Variants in CNTN6 observed in about 807,000 individuals in gnomAD.
The protein encoded by CNTN6 is contactin 6.
In CNTN6, 137 loss-of-function variants were observed where a neutral mutation model predicts 122.8. The observed-to-expected ratio is 1.12, with a 90% CI of 0.97 to 1.29. The LOEUF (loss-of-function observed/expected upper bound fraction) is 1.29, where lower values mean the gene tolerates loss of function less well. CNTN6 is among the 50% of genes most tolerant of loss of function. CNTN6 has a pLI of 0.00. For synonymous variants in CNTN6, 570 were observed against 426.0 expected, an observed-to-expected ratio of 1.34 and a Z score of -4.16; for missense variants, 1,634 against 1,223.4, an observed-to-expected ratio of 1.34 and a Z score of -5.01.
chr3:1,379,785 A>G (rs1292663934), intron 17 of CNTN6, among the ~76,000 whole-genome samples: 8 of 152,140 alleles, frequency 5.3e-5, no homozygotes, highest in Admixed American at 5.2e-4. Context: ...CATATTTGAC[A>G]TTATGTACAA....
chr3:1,131,120 A>C (rs934792721), intron 1 of CNTN6, among the ~76,000 whole-genome samples: 8 of 152,222 alleles, frequency 5.3e-5, no homozygotes, highest in Non-Finnish European at 7.4e-5. Context: ...CTATGTGATA[A>C]AAGTTCCTGA....
intron 4 of CNTN6, among the ~76,000 whole-genome samples, chr3:1,251,831 C>A (rs3772338): frequency 6.6e-6 from 1 of 152,004 alleles, no homozygotes; most frequent in African/African-American, 2.4e-5. Context: ...ATTTTCCTGA[C>A]CCTTTAATAT....
At chr3:1,353,382 C>T (rs1705982395) in intron 12 of CNTN6, among the ~76,000 whole-genome samples, 1 of 151,590 alleles carries the variant, frequency 6.6e-6, no homozygotes, top group Admixed American at 6.6e-5. Context: ...AAATAAACAC[C>T]CACCTTTGAG....
intron 11 of CNTN6, among the ~76,000 whole-genome samples, chr3:1,347,109 TCTA>T (rs1420769806): frequency 6.6e-6 from 1 of 152,212 alleles, no homozygotes; most frequent in African/African-American, 2.4e-5. Flanking sequence ...CACTATAAAA[TCTA>T]CCCAGTGTCA....
intron 12 of CNTN6, among the ~76,000 whole-genome samples, chr3:1,363,142 G>A (rs1559925396): frequency 6.6e-6 from 1 of 151,806 alleles, no homozygotes; most frequent in South Asian, 2.1e-4. Flanking sequence ...CACCTTAAAT[G>A]TTTGACCTAC....
chr3:1,374,728 A>G (rs1406323293), intron 16 of CNTN6, among the ~76,000 whole-genome samples: 1 of 152,060 alleles, frequency 6.6e-6, no homozygotes, highest in East Asian at 1.9e-4. Flanking sequence ...CAAAGTTCAC[A>G]TTCTTATTCG....
intron 9 of CNTN6, 75 bp from the exon 10 acceptor site, chr3:1,327,382 G>A (rs773814744): frequency 1.5e-4 from 209 of 1,426,414 alleles, no homozygotes; most frequent in Non-Finnish European, 1.9e-4. Flanking sequence ...CACAAATGTT[G>A]TTTAATAACA....
chr3:1,245,319 T>TATAATATATATATATATATA (rs2094566652), intron 4 of CNTN6, among the ~76,000 whole-genome samples: 1 of 27,692 alleles, frequency 3.6e-5, no homozygotes, highest in African/African-American at 1.3e-4. Flanking sequence ...TATATATATA[T>TATAATATATATATATATATA]ATATATATAT....
rs762968679 is a variant in CNTN6 at position 1,327,556 on chromosome 3, A to G, written c.1183A>G (p.Ile395Val). 1.9e-6 allele frequency: 3 copies of G among 1,610,438 alleles called. No individual in the cohort carries two copies. Among genetic ancestry groups the G allele is most frequent in the Non-Finnish European group, 2.5e-6 (3 of 1,177,952 alleles). ...TGCTGCAGAAAACAAATATCAGATA[A>G]TTTATGCAAATGCTGAATTGAGAGT... is the stretch of plus-strand genomic sequence containing the variant. ...QCAAENKYQIIYANAELRVLA... is the reference protein window; with the variant it reads ...QCAAENKYQIVYANAELRVLA... Residue 395 changes from isoleucine (I) to valine (V), a missense_variant, in exon 10 of 23, where the codon ATT (isoleucine) becomes GTT (valine). By Grantham distance (29) the Ile-to-Val change is conservative (BLOSUM62 3). Transcript: ENST00000446702.
intron 1 of CNTN6, among the ~76,000 whole-genome samples, chr3:1,119,469 G>A (rs757280678): frequency 6.6e-6 from 1 of 151,628 alleles, no homozygotes; most frequent in African/African-American, 2.4e-5. Flanking sequence ...CTGAGAACTG[G>A]TTAAACTGAG....
intron 7 of CNTN6, among the ~76,000 whole-genome samples, chr3:1,316,665 G>A (rs1461165900): frequency 6.6e-6 from 1 of 151,854 alleles, no homozygotes; most frequent in Non-Finnish European, 1.5e-5. Flanking sequence ...AGCTAAGGAT[G>A]AGAGCCACAT....
intron 2 of CNTN6, among the ~76,000 whole-genome samples, chr3:1,177,674 C>A (rs755480531): frequency 1.3e-4 from 20 of 152,046 alleles, no homozygotes; most frequent in Non-Finnish European, 4.4e-5. Context: ...TGTGGGCAGA[C>A]AGATTTTTTT....
intron 7 of CNTN6, among the ~76,000 whole-genome samples, chr3:1,298,765 G>A (rs1696713883): frequency 6.6e-6 from 1 of 152,112 alleles, no homozygotes; most frequent in Admixed American, 6.6e-5. Context: ...GAGGTCTAGG[G>A]TGATGTTTGA....
At chr3:1,155,799 C>T (rs538765686) in intron 2 of CNTN6, among the ~76,000 whole-genome samples, 1 of 152,180 alleles carries the variant, frequency 6.6e-6, no homozygotes. Context: ...GCCTCTCCCC[C>T]CAAGACATTT....
intron 5 of CNTN6, among the ~76,000 whole-genome samples, chr3:1,295,163 A>G (rs1211291258): frequency 6.6e-6 from 1 of 152,194 alleles, no homozygotes; most frequent in Non-Finnish European, 1.5e-5. Flanking sequence ...TTGAACTGAA[A>G]TTTTTAAGTT....
intron 2 of CNTN6, among the ~76,000 whole-genome samples, chr3:1,152,292 C>T (rs1041308503): frequency 1.6e-4 from 25 of 151,916 alleles, no homozygotes; most frequent in Middle Eastern, 3.2e-3. Context: ...GCACGCACCA[C>T]CATGCTGGGC....
intron 1 of CNTN6, among the ~76,000 whole-genome samples, chr3:1,144,132 C>A (rs932996186): frequency 6.6e-6 from 1 of 152,132 alleles, no homozygotes; most frequent in Non-Finnish European, 1.5e-5. Context: ...CCGAGTATTA[C>A]GAGTAAGTGT....
chr3:1,130,770 A>G (rs977285366), intron 1 of CNTN6, among the ~76,000 whole-genome samples: 2 of 152,162 alleles, frequency 1.3e-5, no homozygotes, highest in African/African-American at 4.8e-5. Context: ...GTATGAAAAA[A>G]TGTGCACATA....
intron 12 of CNTN6, among the ~76,000 whole-genome samples, chr3:1,369,671 A>C (rs2126130785): frequency 6.6e-6 from 1 of 152,260 alleles, no homozygotes. Flanking sequence ...AAATTACTTT[A>C]ATTGCATGAT....
Sources: allele counts gnomAD v4.1 joint callset (sites outside exome capture counted in the v4.1 genomes callset), GRCh38; gene constraint gnomAD v4.1.1; transcripts MANE v1.5; gene names NCBI Gene and HGNC (gene_info 2026-07-23, HGNC 2026-07-21).